The following MSRA variants were observed in gnomAD, a reference collection of about 807,000 sequenced individuals.
MSRA encodes methionine sulfoxide reductase A.
In MSRA, 54 loss-of-function variants were observed where a neutral mutation model predicts 31.3. The observed-to-expected ratio is 1.73, with a 90% CI of 1.39 to 2.17. MSRA has a LOEUF of 2.17. MSRA is among the 30% of genes most tolerant of loss of function. The pLI is 0.00. For missense variants in MSRA, 507 were observed against 300.9 expected, an observed-to-expected ratio of 1.69 and a Z score of -5.07; for synonymous variants, 169 against 116.5, an observed-to-expected ratio of 1.45 and a Z score of -2.90.
intron 1 of MSRA, among the ~76,000 whole-genome samples, chr8:10,142,710 C>T (rs1349348601): frequency 3.3e-5 from 5 of 152,110 alleles, no homozygotes; most frequent in Non-Finnish European, 7.4e-5. Context: ...GAGTGTGATG[C>T]TTAAATGTAG....
intron 1 of MSRA, among the ~76,000 whole-genome samples, chr8:10,198,839 G>T (rs1340057812): frequency 2.0e-5 from 3 of 152,252 alleles, no homozygotes; most frequent in East Asian, 3.9e-4. Context: ...ATGTTGCCCA[G>T]GTTGGCTTTT....
At chr8:10,105,128 T>A (rs1304357017) in intron 1 of MSRA, among the ~76,000 whole-genome samples, 1 of 152,244 alleles carries the variant, frequency 6.6e-6, no homozygotes, top group East Asian at 1.9e-4. Flanking sequence ...TGAGTTGTTT[T>A]ATTCTTACTA....
intron 3 of MSRA, chr8:10,250,765 C>A (rs1303927063): frequency 5.6e-6 from 2 of 359,504 alleles, no homozygotes; most frequent in Admixed American, 8.6e-5. Flanking sequence ...TGTGTCCTGT[C>A]CTGAGCCCGT....
At chr8:10,095,965 A>G (rs1485517973) in intron 1 of MSRA, 3 of 1,377,472 alleles carry the variant, frequency 2.2e-6, no homozygotes, top group South Asian at 1.9e-5. Context: ...TTAATTTTCT[A>G]CAAAATAAAG....
intron 3 of MSRA, among the ~76,000 whole-genome samples, chr8:10,287,388 G>A (rs531957596): frequency 7.9e-5 from 12 of 152,078 alleles, no homozygotes; most frequent in East Asian, 3.8e-4. Flanking sequence ...GATTTAATAC[G>A]CAATTAATGC....
At chr8:10,058,492 G>C (rs996473266) in intron 1 of MSRA, among the ~76,000 whole-genome samples, 1 of 152,188 alleles carries the variant, frequency 6.6e-6, no homozygotes. Flanking sequence ...GAAAATTTAA[G>C]CAGGTTGATT....
At chr8:10,195,343 C>G (rs941854827) in intron 1 of MSRA, among the ~76,000 whole-genome samples, 8 of 152,218 alleles carry the variant, frequency 5.3e-5, no homozygotes, top group African/African-American at 1.9e-4. Context: ...CGGGTTCAGA[C>G]AATTCTTCTG....
chr8:10,082,795 G>A (rs186560549), intron 1 of MSRA, among the ~76,000 whole-genome samples: 5 of 152,244 alleles, frequency 3.3e-5, no homozygotes, highest in East Asian at 3.9e-4. Flanking sequence ...CCCGCTCCTC[G>A]TGTGAAGGGG....
intron 1 of MSRA, among the ~76,000 whole-genome samples, chr8:10,111,514 G>T (rs1229076369): frequency 2.0e-5 from 3 of 152,140 alleles, no homozygotes; most frequent in Non-Finnish European, 4.4e-5. Flanking sequence ...CCTGCAGTAA[G>T]GGAATTATCA....
chr8:10,167,878 C>T lies in MSRA; in HGVS notation c.143-39955C>T, dbSNP rs181151478. 4.6e-5 allele frequency among the ~76,000 whole-genome samples: 7 copies of T among 152,266 alleles called. No individual in the cohort carries two copies. The South Asian group carries it at 6.2e-4, about 14-fold the overall frequency. On this transcript the variant is annotated intron_variant, in intron 1 of 5. Transcript: ENST00000317173. ...CCACCCCTAAGGAAAAAAACATTGC[C>T]ACTGCCCTAGAAGGCCCTATACCCT... is the stretch of plus-strand genomic sequence containing the variant.
intron 1 of MSRA, among the ~76,000 whole-genome samples, chr8:10,084,716 C>T (rs1323832321): frequency 2.0e-5 from 3 of 152,110 alleles, no homozygotes; most frequent in African/African-American, 4.8e-5. Context: ...GAAGGAGAAG[C>T]GTTTAGAACA....
chr8:10,318,265 T>C (rs1801840757), intron 4 of MSRA, among the ~76,000 whole-genome samples: 1 of 152,168 alleles, frequency 6.6e-6, no homozygotes, highest in South Asian at 2.1e-4. Flanking sequence ...AATTTCCTTT[T>C]TGTCAAAGAG....
intron 5 of MSRA, among the ~76,000 whole-genome samples, chr8:10,334,631 G>A (rs1276475133): frequency 6.6e-6 from 1 of 152,198 alleles, no homozygotes; most frequent in African/African-American, 2.4e-5. Flanking sequence ...CCGAGGCAAT[G>A]TTCATTTAAC....
In MSRA at chr8:10,060,587, T is replaced by A. The variant is rs527528362; in HGVS notation, c.142+5929T>A. The stretch of plus-strand genomic sequence containing the variant: ...CTTTGAAGATGATCTGTCTCGCTGT[T>A]TTTAGTCTAATTGACCACCTTTCTG... On this transcript the variant is annotated intron_variant, in intron 1 of 5. Transcript: ENST00000317173. 2.6e-5 allele frequency among the ~76,000 whole-genome samples: 4 copies of A among 152,302 alleles called. No individual in the cohort carries two copies. The East Asian group carries it at 7.7e-4, about 29-fold the overall frequency.
At chr8:10,403,513 G>A (rs142556768) in intron 5 of MSRA, among the ~76,000 whole-genome samples, 125 of 152,310 alleles carry the variant, frequency 8.2e-4, no homozygotes, top group African/African-American at 2.3e-3. Flanking sequence ...GAGAATTGCC[G>A]CTGGGGCTCT....
At chr8:10,166,658 T>C (rs1805152663) in intron 1 of MSRA, among the ~76,000 whole-genome samples, 1 of 152,226 alleles carries the variant, frequency 6.6e-6, no homozygotes. Context: ...GATCTGCATT[T>C]TTCCCTCCAG....
intron 5 of MSRA, among the ~76,000 whole-genome samples, chr8:10,393,953 C>G (rs1038276789): frequency 6.6e-6 from 1 of 152,190 alleles, no homozygotes; most frequent in Non-Finnish European, 1.5e-5. Flanking sequence ...GATCACACAG[C>G]CATCCCCCAG....
intron 5 of MSRA, among the ~76,000 whole-genome samples, chr8:10,367,625 G>A (rs888855344): frequency 2.0e-5 from 3 of 152,222 alleles, no homozygotes; most frequent in Non-Finnish European, 4.4e-5. Flanking sequence ...GCCAACCAAG[G>A]CACAGAGGTG....
intron 2 of MSRA, among the ~76,000 whole-genome samples, chr8:10,235,986 C>A (rs79120319): frequency 0.028 from 4,221 of 152,194 alleles, 201 homozygotes; most frequent in African/African-American, 0.097. Flanking sequence ...TTAGAAAAAT[C>A]TGTTAATGTA....
Sources: allele counts gnomAD v4.1 joint callset (sites outside exome capture counted in the v4.1 genomes callset), GRCh38; gene constraint gnomAD v4.1.1; transcripts MANE v1.5; gene names NCBI Gene and HGNC (gene_info 2026-07-23, HGNC 2026-07-21).